Variants in SMIM21 observed in about 807,000 individuals in gnomAD.
SMIM21 encodes the protein chromosome 18 open reading frame 62.
A neutral mutation model predicts 8.6 loss-of-function variants in SMIM21; 8 were observed. The observed-to-expected ratio is 0.93, with a 90% CI of 0.55 to 1.68. The LOEUF (loss-of-function observed/expected upper bound fraction) is 1.68, where lower values mean the gene tolerates loss of function less well. Ranked by LOEUF, SMIM21 falls within the 40% of genes most tolerant of loss-of-function variation. SMIM21 has a pLI of 0.00. For missense variants in SMIM21, 132 were observed against 123.0 expected, an observed-to-expected ratio of 1.07 and a Z score of -0.35; for synonymous variants, 43 against 41.7, an observed-to-expected ratio of 1.03 and a Z score of -0.12.
At chr18:75,426,459 G>A (rs1459283071) in intron 1 of SMIM21, among the ~76,000 whole-genome samples, 6 of 151,366 alleles carry the variant, frequency 4.0e-5, no homozygotes, top group Non-Finnish European at 8.8e-5. Flanking sequence ...ACAAGTGCCC[G>A]CCACCACGAC....
At chr18:75,421,310 A>G (rs1278027837) in intron 1 of SMIM21, among the ~76,000 whole-genome samples, 1 of 152,196 alleles carries the variant, frequency 6.6e-6, no homozygotes, top group Admixed American at 6.5e-5. Flanking sequence ...TTAAGAAAGG[A>G]GGTTTTATTA....
At chr18:75,412,995 A>C (rs1176538019) in intron 2 of SMIM21, among the ~76,000 whole-genome samples, 1 of 152,064 alleles carries the variant, frequency 6.6e-6, no homozygotes. Flanking sequence ...TTGTCTATGA[A>C]CTTTTGGTAC....
chr18:75,410,799 T>A lies in SMIM21; in HGVS notation c.*65A>T, dbSNP rs576902118. 1 of 1,602,734 alleles carries A rather than the reference T, an allele frequency of 6.2e-7. No individual in the cohort carries two copies. Among genetic ancestry groups the A allele is most frequent in the East Asian group, 2.2e-5 (1 of 44,770 alleles). On this transcript the variant is annotated 3_prime_UTR_variant, in exon 3 of 3. Coordinates refer to ENST00000579022, the MANE Select transcript of SMIM21 (RefSeq NM_001037331.3). ...CTAAGCAATCTGATTTCCTCTTAATTTCTTTTCATCTTGAGCAGGGGAAAT... is the reference window on the plus strand; with the variant it reads ...CTAAGCAATCTGATTTCCTCTTAATATCTTTTCATCTTGAGCAGGGGAAAT...
chr18:75,426,854 G>A (rs982118735), intron 1 of SMIM21, among the ~76,000 whole-genome samples: 3 of 152,044 alleles, frequency 2.0e-5, no homozygotes, highest in Non-Finnish European at 4.4e-5. Flanking sequence ...ATATATGACT[G>A]GGTCATAAAC....
intron 2 of SMIM21, among the ~76,000 whole-genome samples, chr18:75,411,320 C>T (rs17057005): frequency 0.12 from 18,218 of 152,224 alleles, 1,239 homozygotes; most frequent in East Asian, 0.25. Context: ...GTAGACCAGT[C>T]ATAATGTTCC....
intron 2 of SMIM21, among the ~76,000 whole-genome samples, chr18:75,415,477 T>C (rs972202123): frequency 7.9e-5 from 12 of 152,192 alleles, no homozygotes; most frequent in South Asian, 2.1e-4. Context: ...TGTGACAACA[T>C]CTGCGGTCCT....
At chr18:75,422,966 A>G (rs1445686564) in intron 1 of SMIM21, among the ~76,000 whole-genome samples, 1 of 152,266 alleles carries the variant, frequency 6.6e-6, no homozygotes, top group Non-Finnish European at 1.5e-5. Context: ...TTATATCTCT[A>G]CATGTTATTT....
intron 1 of SMIM21, among the ~76,000 whole-genome samples, chr18:75,421,973 G>A (rs868860874): frequency 2.6e-5 from 4 of 152,056 alleles, no homozygotes; most frequent in Admixed American, 6.5e-5. Flanking sequence ...AGGGACTCCC[G>A]GACTACACTT....
intron 1 of SMIM21, among the ~76,000 whole-genome samples, chr18:75,423,491 G>A (rs2024730423): frequency 6.6e-6 from 1 of 152,246 alleles, no homozygotes; most frequent in Non-Finnish European, 1.5e-5. Context: ...GGTGAGAGCT[G>A]TGCCAGGTGT....
chr18:75,422,449 G>A (rs1304439357), intron 1 of SMIM21, among the ~76,000 whole-genome samples: 1 of 152,094 alleles, frequency 6.6e-6, no homozygotes, highest in African/African-American at 2.4e-5. Context: ...CAACATAGCA[G>A]TTCTGGTCAT....
At chr18:75,426,556 G>A (rs1402863084) in intron 1 of SMIM21, among the ~76,000 whole-genome samples, 2 of 137,016 alleles carry the variant, frequency 1.5e-5, no homozygotes, top group Non-Finnish European at 1.5e-5. Flanking sequence ...TGATCTCCTC[G>A]CCTCGGCCTC....
In SMIM21 at chr18:75,418,723, C is replaced by T. The variant is rs943596561; in HGVS notation, c.260+63G>A. 37 of 1,456,094 alleles carry T rather than the reference C, an allele frequency of 2.5e-5. 1 individual carries two copies. The Middle Eastern group carries it at 7.3e-4, about 29-fold the overall frequency. The allele number at this position is 1,456,094 out of a possible 1,614,324, so 90.2% of individuals were successfully genotyped here. ...GTTTTTTTTTAACTGCTAAGGTTAT[C>T]GTTTACTCACTTTCAAAATATGTAG... is the stretch of plus-strand genomic sequence containing the variant. On this transcript the variant is annotated intron_variant, in intron 2 of 2. Transcript: ENST00000579022.
intron 2 of SMIM21, among the ~76,000 whole-genome samples, chr18:75,412,767 C>T (rs1384859471): frequency 1.3e-5 from 2 of 152,054 alleles, no homozygotes; most frequent in African/African-American, 4.8e-5. Context: ...AGGAAGACTC[C>T]CTATAGGTTT....
chr18:75,415,216 G>A (rs919298545), intron 2 of SMIM21, among the ~76,000 whole-genome samples: 2 of 152,140 alleles, frequency 1.3e-5, no homozygotes, highest in African/African-American at 2.4e-5. Context: ...AGCACCAAGC[G>A]CCCACAGTGA....
chr18:75,409,749 G>T lies in SMIM21; in HGVS notation c.*1115C>A, dbSNP rs996958990. The T allele has an allele frequency of 6.6e-6, 1 of 152,252 alleles. No homozygotes were observed. The highest frequency in any genetic ancestry group is 1.5e-5 in the Non-Finnish European group (1 of 68,066). The allele number at this position is 152,252 out of a possible 1,614,324, so 9.4% of individuals were successfully genotyped here. A position where few individuals can be genotyped will look rare whatever the true frequency, so the allele number is the denominator to read the frequency against. ...CACACAGATGGAGGCTGTGGTGTAA[G>T]AGTTACACCTCTGTCATTCCTCCAC... On this transcript the variant is annotated 3_prime_UTR_variant, in exon 3 of 3. Transcript: ENST00000579022.
At chr18:75,418,529 C>T (rs1052438521) in intron 2 of SMIM21, among the ~76,000 whole-genome samples, 1 of 152,140 alleles carries the variant, frequency 6.6e-6, no homozygotes, top group Non-Finnish European at 1.5e-5. Flanking sequence ...AGAAGGAGGT[C>T]GCTGCAGTAT....
rs754031815 is a variant in SMIM21 at position 75,418,866 on chromosome 18, A to G, written c.180T>C (p.His60=). The change falls in exon 2 of 3, where the codon CAT becomes CAC. Residue 60 remains histidine, a synonymous_variant. Coordinates refer to ENST00000579022, the MANE Select transcript of SMIM21 (RefSeq NM_001037331.3). ...TATGATTCCTCAGCAACACCATCACATGGAAAAGAACCAACAATGTGAAGA... is the reference window on the plus strand; with the variant it reads ...TATGATTCCTCAGCAACACCATCACGTGGAAAAGAACCAACAATGTGAAGA... ...IRFFTLLVLF[H]VMVLLRNHSR... is the part of the protein sequence containing the mutation. The G allele has an allele frequency of 3.7e-6, 6 of 1,608,558 alleles. No homozygotes were observed. The Admixed American group carries it at 6.7e-5, about 18-fold the overall frequency.
intron 2 of SMIM21, chr18:75,417,120 G>T (rs562199889): frequency 6.6e-6 from 1 of 152,324 alleles, no homozygotes; most frequent in East Asian, 1.9e-4. Flanking sequence ...GGTGCTCCTC[G>T]TGTGCATTTG....
intron 2 of SMIM21, among the ~76,000 whole-genome samples, chr18:75,414,582 G>A (rs1449593106): frequency 2.0e-5 from 3 of 152,190 alleles, no homozygotes; most frequent in Non-Finnish European, 4.4e-5. Context: ...AACTACAGTG[G>A]CTAAGGAGAA....
Sources: gnomAD v4.1 joint callset for allele counts (sites outside exome capture counted in the v4.1 genomes callset) on GRCh38, gnomAD v4.1.1 for gene constraint, MANE v1.5 for transcripts, NCBI Gene and HGNC (gene_info 2026-07-23, HGNC 2026-07-21) for gene names.